COL4A3: variants seen among roughly 807,000 people sequenced by gnomAD.
The protein encoded by COL4A3 is collagen alpha-3(IV) chain.
Under a neutral mutation model 217.4 loss-of-function variants are expected in COL4A3, and 135 were observed. The ratio of observed to expected loss-of-function variants is 0.62; its 90% confidence interval spans 0.54 to 0.72. The LOEUF is 0.72. COL4A3 is among the 30% of genes least tolerant of loss of function. The probability of loss-of-function intolerance (pLI) is 0.00; values close to 1 mark genes in which losing one functional copy is unlikely to be tolerated. For missense variants in COL4A3, 1,868 were observed against 2,119.9 expected, an observed-to-expected ratio of 0.88 and a Z score of 2.33; for synonymous variants, 690 against 736.3, an observed-to-expected ratio of 0.94 and a Z score of 1.02.
chr2:227,275,460 T>C (rs753653271), intron 26 of COL4A3, among the ~76,000 whole-genome samples: 8 of 152,186 alleles, frequency 5.3e-5, no homozygotes, highest in Non-Finnish European at 8.8e-5. Context: ...GGATTACAGG[T>C]GTGAACCACC....
Position 227,304,001 on chromosome 2 carries a change from T to C in COL4A3, c.4028-18T>C. ...CATCCGTGAGGCCATCATCTTCTTC[T>C]TATGTTTATGTCAACAGGTGTACGT... On this transcript the variant is annotated intron_variant, in intron 45 of 51. Transcript: ENST00000396578. 6.2e-7 allele frequency: 1 copy of C among 1,614,228 alleles called. No individual in the cohort carries two copies. Among genetic ancestry groups the C allele is most frequent in the Non-Finnish European group, 8.5e-7 (1 of 1,180,026 alleles).
At position 227,282,545 on chromosome 2, in the gene COL4A3, GTGTTT is replaced by G; in HGVS notation, c.2656+14_2656+18del. 6.2e-7 allele frequency: 1 copy of G among 1,612,132 alleles called. No individual in the cohort carries two copies. Reference sequence around the variant, plus strand: ...TTAGGGCCACCAGGTATCCTTTTGTGTGTTTCTATTTTTCTTCTTATTTCTTCTTC... The same window carrying G: ...TTAGGGCCACCAGGTATCCTTTTGTGCTATTTTTCTTCTTATTTCTTCTTC... On this transcript the variant is annotated intron_variant, in intron 32 of 51. Transcript: ENST00000396578. The surrounding 1 kb of genome is among the most constrained non-coding windows in gnomAD (Gnocchi z 4.4).
intron 1 of COL4A3, among the ~76,000 whole-genome samples, chr2:227,177,316 ATT>A (rs113238169): frequency 1.4e-5 from 2 of 146,204 alleles, no homozygotes; most frequent in Admixed American, 6.8e-5. Context: ...CTCCCGGCTA[ATT>A]TTTTTTTTTC....
At chr2:227,224,653 G>C (rs1286386711) in intron 1 of COL4A3, among the ~76,000 whole-genome samples, 1 of 152,074 alleles carries the variant, frequency 6.6e-6, no homozygotes, top group African/African-American at 2.4e-5. Context: ...TAGTCAGGAG[G>C]CTGAAGCAGG....
chr2:227,266,881 C>T lies in COL4A3; in HGVS notation c.1409-112C>T, dbSNP rs1262296040. 4.0e-6 allele frequency: 3 copies of T among 757,160 alleles called. No individual in the cohort carries two copies. In the African/African-American group the frequency reaches 5.2e-5, roughly 13 times the overall value. 46.9% of individuals were successfully genotyped at this position (757,160 alleles called of 1,614,324 possible). ...TATGTATAACGTCCTAGATAATTTT[C>T]ACTACATAAAAATGTTTAAATGTAA... On this transcript the variant is annotated intron_variant, in intron 22 of 51. Coordinates refer to ENST00000396578, the MANE Select transcript of COL4A3 (RefSeq NM_000091.5).
intron 1 of COL4A3, among the ~76,000 whole-genome samples, chr2:227,184,891 C>CTTTTTTTTTT (rs34345055): frequency 1.6e-5 from 1 of 62,566 alleles, no homozygotes; most frequent in African/African-American, 6.4e-5. Flanking sequence ...CCTCACTGGC[C>CTTTTTTTTTT]TTTTTTTTTT....
chr2:227,276,650 T>C (rs2071584554), intron 27 of COL4A3, among the ~76,000 whole-genome samples, 173 bp downstream of exon 27: 1 of 152,260 alleles, frequency 6.6e-6, no homozygotes, highest in African/African-American at 2.4e-5. Context: ...TTGCTATAGT[T>C]CTCTGAGGTT....
intron 23 of COL4A3, among the ~76,000 whole-genome samples, chr2:227,269,290 G>A (rs2071097889): frequency 6.6e-6 from 1 of 152,154 alleles, no homozygotes. Context: ...AATTTGGAGA[G>A]CTAAATACCC....
At chr2:227,273,221 T>C (rs2071350188) in intron 26 of COL4A3, 104 bp downstream of exon 26, 1 of 1,229,594 alleles carries the variant, frequency 8.1e-7, no homozygotes, top group Non-Finnish European at 1.2e-6. Flanking sequence ...GAAACTTGCT[T>C]CTAACGAATA....
chr2:227,226,478 T>A (rs200459853), intron 1 of COL4A3, among the ~76,000 whole-genome samples: 1 of 147,582 alleles, frequency 6.8e-6, no homozygotes, highest in Admixed American at 7.1e-5. Flanking sequence ...TAGGTTTGTT[T>A]TTTTTTTTTT....
Position 227,254,718 on chromosome 2 carries a change from A to G in COL4A3, c.888+3A>G, listed in dbSNP as rs751136341. 12 of 1,610,330 alleles carry G rather than the reference A, an allele frequency of 7.5e-6. No homozygotes were observed. In the South Asian group the frequency reaches 1.2e-4, roughly 16 times the overall value. ...CTCCTGGAGACCCTGGCCTGCAGGT[A>G]AATTTGGAAATTCGGTGTCATGTGC... is the stretch of plus-strand genomic sequence containing the variant. On this transcript the variant is annotated splice_donor_region_variant and intron_variant, in intron 15 of 51. Coordinates refer to ENST00000396578, the MANE Select transcript of COL4A3 (RefSeq NM_000091.5).
Position 227,282,433 on chromosome 2 carries a change from G to T in COL4A3, c.2557G>T (p.Gly853Ter), listed in dbSNP as rs763726708. The change falls in exon 32 of 52, where the codon GGA (glycine) becomes TGA (stop). Residue 853 changes from glycine (G) to a stop codon, truncating the protein, a stop_gained. Coordinates refer to ENST00000396578, the MANE Select transcript of COL4A3 (RefSeq NM_000091.5). LOFTEE classifies it high-confidence loss of function. The surrounding 1 kb of genome is among the most constrained non-coding windows in gnomAD (Gnocchi z 4.4). Reference sequence around the variant, plus strand: ...AGGCTTGGATAGATCAGGATTTCCTGGAGAAACTGGATCACCAGGAATTCC... The same window carrying T: ...AGGCTTGGATAGATCAGGATTTCCTTGAGAAACTGGATCACCAGGAATTCC... ...IPGLDRSGFP[G>*]ETGSPGIPGH... 6.2e-7 allele frequency: 1 copy of T among 1,613,898 alleles called. No homozygotes were observed. Among genetic ancestry groups the T allele is most frequent in the South Asian group, 1.1e-5 (1 of 91,060 alleles).
At chr2:227,249,360 T>C (rs989672053) in intron 9 of COL4A3, among the ~76,000 whole-genome samples, 6 of 146,538 alleles carry the variant, frequency 4.1e-5, no homozygotes, top group Non-Finnish European at 1.5e-5. Flanking sequence ...CTCAGCCTCC[T>C]GAGTAGCTGG....
chr2:227,292,091 T>C (rs1160057719), intron 37 of COL4A3, among the ~76,000 whole-genome samples: 1 of 152,166 alleles, frequency 6.6e-6, no homozygotes, highest in African/African-American at 2.4e-5. Context: ...ATTTTTCAGA[T>C]TTAGATTTTT....
rs926585998 is a variant in COL4A3, at chr2:227,253,978, G to T, written c.766-134G>T. The T allele has an allele frequency of 2.4e-6, 2 of 833,180 alleles. No individual in the cohort carries two copies. Among genetic ancestry groups the T allele is most frequent in the African/African-American group, 3.4e-5 (2 of 59,640 alleles). 51.6% of individuals were successfully genotyped at this position (833,180 alleles called of 1,614,324 possible). On this transcript the variant is annotated intron_variant, in intron 13 of 51. Coordinates refer to ENST00000396578, the MANE Select transcript of COL4A3 (RefSeq NM_000091.5). The surrounding 1 kb of genome is among the most constrained non-coding windows in gnomAD (Gnocchi z 4.4). Reference sequence around the variant, plus strand: ...AATGTGAGAAATGGAAGGTGTATTGGGTTGTGTTAACACGAGGCACATTCA... The same window carrying T: ...AATGTGAGAAATGGAAGGTGTATTGTGTTGTGTTAACACGAGGCACATTCA...
chr2:227,217,522 A>C (rs1405234659), intron 1 of COL4A3, among the ~76,000 whole-genome samples: 1 of 152,226 alleles, frequency 6.6e-6, no homozygotes, highest in Non-Finnish European at 1.5e-5. Context: ...CAATAGCCAC[A>C]GTTTATAGGT....
chr2:227,302,650 C>A (rs2073335767), intron 43 of COL4A3, among the ~76,000 whole-genome samples: 2 of 118,400 alleles, frequency 1.7e-5, no homozygotes, highest in African/African-American at 6.9e-5. Context: ...GCACTCCAGT[C>A]TGGAGGACAA....
chr2:227,313,101 A>G lies in COL4A3; in HGVS notation c.*1231A>G, dbSNP rs776439710. On this transcript the variant is annotated 3_prime_UTR_variant, in exon 52 of 52. Coordinates refer to ENST00000396578, the MANE Select transcript of COL4A3 (RefSeq NM_000091.5). ...TCCCAAGGTTACTTAATTCAACTTA[A>G]CTATCATCTTATTCAGCACCAAGCA... The G allele has an allele frequency of 1.3e-5, 2 of 152,574 alleles. No individual in the cohort carries two copies. The highest frequency in any genetic ancestry group is 2.9e-5 in the Non-Finnish European group (2 of 68,018). 9.5% of individuals were successfully genotyped at this position (152,574 alleles called of 1,614,324 possible).
At chr2:227,289,652 A>G (rs2072556343) in intron 35 of COL4A3, among the ~76,000 whole-genome samples, 1 of 152,186 alleles carries the variant, frequency 6.6e-6, no homozygotes, top group South Asian at 2.1e-4. Flanking sequence ...TCCTACAACC[A>G]TCTCAGTAAC....
Sources: gnomAD v4.1 joint callset for allele counts (sites outside exome capture counted in the v4.1 genomes callset) on GRCh38, gnomAD v4.1.1 for gene constraint, Gnocchi (gnomAD v3.1) non-coding constraint, MANE v1.5 for transcripts, NCBI Gene and HGNC (gene_info 2026-07-23, HGNC 2026-07-21) for gene names.